Variants in BET1 observed in about 807,000 individuals in gnomAD.
The protein encoded by BET1 is Bet1 golgi vesicular membrane trafficking protein.
A neutral mutation model predicts 13.9 loss-of-function variants in BET1; 9 were observed. That is an observed-to-expected ratio of 0.65 (90% CI 0.39 to 1.13). The LOEUF (loss-of-function observed/expected upper bound fraction) is 1.13, where lower values mean the gene tolerates loss of function less well. BET1 is among the 50% of genes most tolerant of loss of function. The pLI is 0.01. For synonymous variants in BET1, 39 were observed against 47.3 expected (o/e 0.82, Z 0.72); for missense variants, 127 against 133.6 (o/e 0.95, Z 0.24).
intron 4 of BET1, among the ~76,000 whole-genome samples, chr7:93,984,187 C>T (rs1273578363): frequency 6.6e-6 from 1 of 152,096 alleles, no homozygotes; most frequent in Non-Finnish European, 1.5e-5. Context: ...TCAATCTCTG[C>T]CTCTGTCTCC....
rs117800631 is a variant in BET1 at position 93,983,121 on chromosome 7, A to C, written c.236-7021T>G. On this transcript the variant is annotated intron_variant and NMD_transcript_variant, in intron 4 of 6. Transcript: ENST00000357520. ...AGAGAGTCTGGGAGATTCCCATTTTAGCATTCACTCAATGATTAAGGCATG... is the reference window on the plus strand; with the variant it reads ...AGAGAGTCTGGGAGATTCCCATTTTCGCATTCACTCAATGATTAAGGCATG... 7.0e-3 allele frequency among the ~76,000 whole-genome samples: 1,065 copies of C among 152,276 alleles called. 5 individuals carry two copies. The highest frequency in any genetic ancestry group is 9.7e-3 in the Non-Finnish European group (660 of 68,032).
At chr7:93,992,031 T>C, downstream of BET1, 1 of 985,374 alleles carries the variant, frequency 1.0e-6, no homozygotes, top group Non-Finnish European at 1.2e-6. Flanking sequence ...TGCATATTTG[T>C]TTTAGATGGA....
intron 1 of BET1, 78 bp downstream of exon 1, chr7:94,004,120 G>T (rs1795974313): frequency 1.2e-6 from 2 of 1,600,226 alleles, no homozygotes; most frequent in Non-Finnish European, 1.7e-6. Context: ...AGGAACATAA[G>T]ACAGGTTCGA....
intron 1 of BET1, among the ~76,000 whole-genome samples, chr7:94,001,785 T>C (rs1038920167): frequency 1.6e-4 from 24 of 152,254 alleles, no homozygotes; most frequent in Non-Finnish European, 3.1e-4. Context: ...ATATAACATT[T>C]ACCCAATAAG....
chr7:93,992,724 G>A (rs1795662092), downstream of BET1: 1 of 962,960 alleles, frequency 1.0e-6, no homozygotes, highest in Admixed American at 6.2e-5. Context: ...CATTTATTGA[G>A]TGATTATCGC....
At position 93,972,190 on chromosome 7, in the gene BET1, A is replaced by G. The variant is rs914290531; in HGVS notation, c.*137+385T>C. 2.3e-4 allele frequency among the ~76,000 whole-genome samples: 35 copies of G among 151,944 alleles called. 1 individual carries two copies. The highest frequency in any genetic ancestry group is 8.4e-4 in the African/African-American group (35 of 41,540). On this transcript the variant is annotated intron_variant and NMD_transcript_variant, in intron 6 of 6. Coordinates refer to the BET1 transcript ENST00000357520. ...GAGTGTGAGCTGCCATCCATCAGAG[A>G]CAACGTTTGCTTCTCCTGTGTAACA...
At chr7:93,963,426 TC>T (rs1181529800) in exon 7 of BET1, 157 of 152,144 alleles carry the variant, frequency 1.0e-3, no homozygotes, top group African/African-American at 3.6e-3. Flanking sequence ...AATCTAGTAG[TC>T]ATTTTTTTTC....
intron 5 of BET1, among the ~76,000 whole-genome samples, chr7:93,975,245 T>C (rs1195574255): frequency 6.6e-6 from 1 of 152,096 alleles, no homozygotes; most frequent in African/African-American, 2.4e-5. Flanking sequence ...TTAATAGTAT[T>C]GTACCAATGT....
Position 94,004,288 on chromosome 7 carries a change from G to T in BET1, c.-72C>A. On this transcript the variant is annotated 5_prime_UTR_variant, in exon 1 of 4. Transcript: ENST00000222547. The stretch of plus-strand genomic sequence containing the variant: ...GTAGGAAACAGCTAGGGGCGACCCG[G>T]ACCGCGTCTTCAGTACCAGGGCCCA... 1 of 1,603,036 alleles carries T rather than the reference G, an allele frequency of 6.2e-7. No homozygotes were observed. The highest frequency in any genetic ancestry group is 1.1e-5 in the South Asian group (1 of 90,798).
intron 6 of BET1, among the ~76,000 whole-genome samples, chr7:93,971,627 G>C (rs1247682283): frequency 2.0e-5 from 3 of 151,430 alleles, no homozygotes; most frequent in Non-Finnish European, 3.0e-5. Flanking sequence ...TTTGTCCAAG[G>C]CTGTCCCTAT....
At chr7:93,980,558 A>C (rs188727709) in intron 4 of BET1, among the ~76,000 whole-genome samples, 1 of 152,328 alleles carries the variant, frequency 6.6e-6, no homozygotes, top group Non-Finnish European at 1.5e-5. Flanking sequence ...GCATTTGATA[A>C]AATTTAACAC....
intron 1 of BET1, 113 bp downstream of exon 1, chr7:94,004,085 C>A: frequency 6.8e-7 from 1 of 1,473,006 alleles, no homozygotes; most frequent in Non-Finnish European, 9.5e-7. Flanking sequence ...CCCCTCTAGA[C>A]ATCCTGTTTT....
At chr7:93,967,378 T>G (rs1047105488) in intron 6 of BET1, among the ~76,000 whole-genome samples, 1 of 151,816 alleles carries the variant, frequency 6.6e-6, no homozygotes, top group Non-Finnish European at 1.5e-5. Context: ...GTAGGCAATA[T>G]TGTATTTAAC....
At chr7:93,979,359 T>C (rs1204483521) in intron 4 of BET1, among the ~76,000 whole-genome samples, 2 of 152,174 alleles carry the variant, frequency 1.3e-5, no homozygotes, top group African/African-American at 4.8e-5. Flanking sequence ...ATACATACTT[T>C]TGTATAAAAG....
intron 4 of BET1, among the ~76,000 whole-genome samples, chr7:93,983,952 C>T (rs1795476833): frequency 6.6e-6 from 1 of 152,098 alleles, no homozygotes; most frequent in African/African-American, 2.4e-5. Context: ...ACCCATGATG[C>T]TGCAATGACT....
intron 6 of BET1, among the ~76,000 whole-genome samples, chr7:93,971,765 T>C (rs1487554884): frequency 6.6e-6 from 1 of 151,798 alleles, no homozygotes; most frequent in Non-Finnish European, 1.5e-5. Flanking sequence ...ATGTAATACA[T>C]ATGAAATTGT....
intron 4 of BET1, among the ~76,000 whole-genome samples, chr7:93,981,105 G>A (rs372610325): frequency 6.6e-6 from 1 of 152,022 alleles, no homozygotes; most frequent in Non-Finnish European, 1.5e-5. Context: ...AATATTTGTA[G>A]TATTTTATCT....
intron 4 of BET1, among the ~76,000 whole-genome samples, chr7:93,983,832 C>T (rs1298436604): frequency 6.6e-6 from 1 of 152,162 alleles, no homozygotes; most frequent in African/African-American, 2.4e-5. Context: ...AGCTTGACTG[C>T]ATTGGCAATA....
At chr7:93,995,783 A>G (rs558753027) in intron 3 of BET1, among the ~76,000 whole-genome samples, 3 of 152,328 alleles carry the variant, frequency 2.0e-5, no homozygotes, top group Admixed American at 1.3e-4. Context: ...CTCTAACAAG[A>G]AAAGGTATAT....
Sources: allele counts gnomAD v4.1 joint callset (sites outside exome capture counted in the v4.1 genomes callset), GRCh38; gene constraint gnomAD v4.1.1; transcripts MANE v1.5; gene names NCBI Gene and HGNC (gene_info 2026-07-23, HGNC 2026-07-21).